PARP15: variants seen among roughly 807,000 people sequenced by gnomAD.
The protein encoded by PARP15 is protein mono-ADP-ribosyltransferase PARP15.
In PARP15, 50 loss-of-function variants were observed where a neutral mutation model predicts 62.1. The observed-to-expected ratio is 0.81, with a 90% confidence interval of 0.64 to 1.02. PARP15 has a LOEUF of 1.02. Ranked by LOEUF, PARP15 falls within the 50% of genes least tolerant of loss-of-function variation. The probability of loss-of-function intolerance (pLI) is 0.00; values close to 1 mark genes in which losing one functional copy is unlikely to be tolerated. For synonymous variants in PARP15, 309 were observed against 293.1 expected, an observed-to-expected ratio of 1.05 and a Z score of -0.55; for missense variants, 820 against 826.5, an observed-to-expected ratio of 0.99 and a Z score of 0.10.
At position 122,613,041 on chromosome 3, in the gene PARP15, A is replaced by G; in HGVS notation, c.544A>G (p.Ile182Val). ...TGTAAATGTACTTTGCACATTTCAG[A>G]TCATGGCAAATATAATCAAGAAATG... ...WNNGAETSWQ[I>V]MANIIKKCLT... The change falls in exon 4 of 12, where the codon ATC (isoleucine) becomes GTC (valine). Residue 182 changes from isoleucine (I) to valine (V), a missense_variant and splice_region_variant. Around this residue, in one of 3 missense-constraint regions of PARP15, gnomAD observed 731 missense variants for 727.7 expected, o/e 1.00. Transcript: ENST00000464300. 1.3e-6 allele frequency: 2 copies of G among 1,550,252 alleles called. No homozygotes were observed. The highest frequency in any genetic ancestry group is 4.9e-5 in the East Asian group (2 of 40,914).
Position 122,635,832 on chromosome 3 carries a change from C to G in PARP15, c.1769C>G (p.Thr590Ser). ...CCAGCTGTATCCTATGGAAAAGGAACCTATTTTGCTGTGGATGCCAGTTAT... is the reference window on the plus strand; with the variant it reads ...CCAGCTGTATCCTATGGAAAAGGAAGCTATTTTGCTGTGGATGCCAGTTAT... ...GKNAVSYGKG[T>S]YFAVDASYSA... The change falls in exon 12 of 12, where the codon ACC becomes AGC. Residue 590 changes from threonine to serine, a missense_variant. By Grantham distance (58) the Thr-to-Ser change is moderately conservative. Transcript: ENST00000464300. The G allele has an allele frequency of 6.2e-7, 1 of 1,613,582 alleles. No homozygotes were observed. Among genetic ancestry groups the G allele is most frequent in the Non-Finnish European group, 8.5e-7 (1 of 1,179,692 alleles).
intron 8 of PARP15, among the ~76,000 whole-genome samples, chr3:122,623,569 C>T (rs1936487930): frequency 6.6e-6 from 1 of 152,094 alleles, no homozygotes. Context: ...AAAGAACCAA[C>T]CAATAATCGT....
chr3:122,608,590 A>G (rs1403942350), intron 2 of PARP15, among the ~76,000 whole-genome samples: 1 of 152,024 alleles, frequency 6.6e-6, no homozygotes, highest in African/African-American at 2.4e-5. Flanking sequence ...ACCCAATTAT[A>G]GCCATTCTTC....
chr3:122,577,869 G>A lies in PARP15; in HGVS notation c.186+16G>A, dbSNP rs1698196355. The A allele has an allele frequency of 2.0e-6, 3 of 1,532,664 alleles. No homozygotes were observed. The highest frequency in any genetic ancestry group is 2.6e-6 in the Non-Finnish European group (3 of 1,136,494). 94.9% of individuals were successfully genotyped at this position (1,532,664 alleles called of 1,614,324 possible). A position where few individuals can be genotyped will look rare whatever the true frequency, so the allele number is the denominator to read the frequency against. The stretch of plus-strand genomic sequence containing the variant: ...CCGGAGTATGGTGAGGAGCGCGGGG[G>A]ACGGGTGCGGGAAGGGGACAGCAGG... On this transcript the variant is annotated intron_variant, in intron 1 of 11. Coordinates refer to ENST00000464300, the MANE Select transcript of PARP15 (RefSeq NM_001113523.3).
At chr3:122,598,131 T>C (rs889952298) in intron 1 of PARP15, among the ~76,000 whole-genome samples, 1 of 152,216 alleles carries the variant, frequency 6.6e-6, no homozygotes, top group African/African-American at 2.4e-5. Context: ...AGCAATTACT[T>C]TGCTAAAAAG....
At chr3:122,610,831 G>A in intron 3 of PARP15, 101 bp downstream of exon 3, 4 of 997,874 alleles carry the variant, frequency 4.0e-6, no homozygotes, top group South Asian at 2.0e-5. Flanking sequence ...TTGCCCCACA[G>A]AGGACAGTTG....
Position 122,617,171 on chromosome 3 carries a change from T to C in PARP15, c.1000+7T>C, listed in dbSNP as rs1936031905. On this transcript the variant is annotated splice_region_variant and intron_variant, in intron 6 of 11. Coordinates refer to ENST00000464300, the MANE Select transcript of PARP15 (RefSeq NM_001113523.3). ...ACATTTAATCGGAAATCAGGTACTTTATTTAAGCAATATATTGTAATTATT... is the reference window on the plus strand; with the variant it reads ...ACATTTAATCGGAAATCAGGTACTTCATTTAAGCAATATATTGTAATTATT... The C allele has an allele frequency of 5.6e-6, 9 of 1,608,624 alleles. No individual in the cohort carries two copies. Among genetic ancestry groups the C allele is most frequent in the South Asian group, 1.1e-5 (1 of 90,766 alleles).
chr3:122,603,489 G>C (rs1226582507), intron 1 of PARP15, among the ~76,000 whole-genome samples: 1 of 152,214 alleles, frequency 6.6e-6, no homozygotes, highest in Non-Finnish European at 1.5e-5. Flanking sequence ...AAACAGTTTA[G>C]AGGATGATAG....
intron 9 of PARP15, among the ~76,000 whole-genome samples, chr3:122,629,881 G>C (rs984572415): frequency 6.6e-6 from 1 of 152,146 alleles, no homozygotes; most frequent in African/African-American, 2.4e-5. Flanking sequence ...TGCTGCCACT[G>C]ATCTGACAGA....
intron 1 of PARP15, among the ~76,000 whole-genome samples, chr3:122,587,812 C>T (rs1446598056): frequency 6.6e-6 from 1 of 152,204 alleles, no homozygotes; most frequent in African/African-American, 2.4e-5. Context: ...GTGTGAGCCA[C>T]TTCACCCTGC....
chr3:122,584,573 C>CTTTTTTT (rs377394521), intron 1 of PARP15, among the ~76,000 whole-genome samples: 2,153 of 136,728 alleles, frequency 0.016, 126 homozygotes, highest in African/African-American at 0.051. Context: ...CCATTTCTTT[C>CTTTTTTT]CTTTTTTTTT....
intron 2 of PARP15, among the ~76,000 whole-genome samples, chr3:122,606,986 G>A (rs576400928): frequency 5.2e-4 from 77 of 149,290 alleles, no homozygotes; most frequent in Non-Finnish European, 5.9e-5. Context: ...GGAGGCAGCC[G>A]GCTGCTTTCT....
At chr3:122,634,813 T>C (rs1476644248) in intron 10 of PARP15, among the ~76,000 whole-genome samples, 3 of 152,262 alleles carry the variant, frequency 2.0e-5, no homozygotes, top group Non-Finnish European at 2.9e-5. Context: ...TAGACACTAA[T>C]AGATACTTTT....
In PARP15 at chr3:122,594,950, G is replaced by A. The variant is rs376316824; in HGVS notation, c.187-10986G>A. On this transcript the variant is annotated intron_variant, in intron 1 of 11. Transcript: ENST00000464300. ...CCAATGTTCAGTATTTCCCAGAGGA[G>A]GGTTCAGCCCTGGTTGAGTTTTCTG... The A allele has an allele frequency of 9.4e-6, 8 of 853,978 alleles. No homozygotes were observed. In the African/African-American group the frequency reaches 1.3e-4, roughly 14 times the overall value. 52.9% of individuals were successfully genotyped at this position (853,978 alleles called of 1,614,324 possible).
At chr3:122,600,861 G>C (rs1934732084) in intron 1 of PARP15, among the ~76,000 whole-genome samples, 2 of 151,138 alleles carry the variant, frequency 1.3e-5, no homozygotes, top group Admixed American at 1.3e-4. Context: ...TTTAGCGAAA[G>C]CGGAAAATTC....
chr3:122,595,724 G>A (rs76441409), intron 1 of PARP15, among the ~76,000 whole-genome samples: 1 of 152,050 alleles, frequency 6.6e-6, no homozygotes, highest in African/African-American at 2.4e-5. Flanking sequence ...GTAGAGACAG[G>A]GTTTTGCCAC....
At chr3:122,586,630 T>TA (rs1194400046) in intron 1 of PARP15, among the ~76,000 whole-genome samples, 3 of 152,240 alleles carry the variant, frequency 2.0e-5, no homozygotes, top group Non-Finnish European at 4.4e-5. Flanking sequence ...GATGCATTTT[T>TA]AAAAAATAGT....
At chr3:122,615,021 C>T in intron 4 of PARP15, 2 of 903,510 alleles carry the variant, frequency 2.2e-6, no homozygotes, top group African/African-American at 2.3e-5. Flanking sequence ...CAGAATGAGA[C>T]TCTGTCTGCA....
chr3:122,615,173 C>G lies in PARP15; in HGVS notation c.772-606C>G, dbSNP rs1035758761. 11 of 1,220,380 alleles carry G rather than the reference C, an allele frequency of 9.0e-6. No homozygotes were observed. In the Admixed American group the frequency reaches 2.2e-4, roughly 24 times the overall value. 75.6% of individuals were successfully genotyped at this position (1,220,380 alleles called of 1,614,324 possible). On this transcript the variant is annotated intron_variant, in intron 4 of 11. Transcript: ENST00000464300. ...AACTTTATAACTCTACTCTGTCGCC[C>G]ATTGCTCAATTTTATCACTCACACG...
Sources: gnomAD v4.1 joint callset for allele counts (sites outside exome capture counted in the v4.1 genomes callset) on GRCh38, gnomAD v4.1.1 for gene constraint, gnomAD v4.1.1 regional missense constraint, MANE v1.5 for transcripts, NCBI Gene and HGNC (gene_info 2026-07-23, HGNC 2026-07-21) for gene names.